Variants in DPYSL4 observed in about 807,000 individuals in gnomAD.
DPYSL4 encodes the protein dihydropyrimidinase-related protein 4.
Under a neutral mutation model 63.4 loss-of-function variants are expected in DPYSL4, and 43 were observed. The observed-to-expected ratio is 0.68, with a 90% CI of 0.53 to 0.88. The LOEUF is 0.88. Among genes scored for constraint, DPYSL4 ranks in the 40% least tolerant of loss-of-function variants. DPYSL4 has a pLI of 0.00. For synonymous variants in DPYSL4, 353 were observed against 331.7 expected (o/e 1.06, Z -0.70); for missense variants, 733 against 819.5 (o/e 0.89, Z 1.29).
chr10:132,190,999 C>T (rs796215609), intron 2 of DPYSL4, among the ~76,000 whole-genome samples, 164 bp downstream of exon 2: 21 of 83,086 alleles, frequency 2.5e-4, no homozygotes, highest in East Asian at 5.7e-4. Context: ...TACACGCTGG[C>T]CACGTGGTAT....
chr10:132,187,335 G>T (rs1161119704), intron 1 of DPYSL4, among the ~76,000 whole-genome samples: 25 of 35,326 alleles, frequency 7.1e-4, no homozygotes, highest in African/African-American at 2.0e-3. Context: ...GGCCCGGCCC[G>T]GCCCGGCCCT....
chr10:132,201,247 G>C (rs1219846134), intron 10 of DPYSL4, among the ~76,000 whole-genome samples: 1 of 152,104 alleles, frequency 6.6e-6, no homozygotes, highest in Non-Finnish European at 1.5e-5. Context: ...CACTGTGTTT[G>C]CCCAGGGGTC....
rs2061894628 is a variant in DPYSL4, at chr10:132,192,798, G to A, written c.269G>A (p.Cys90Tyr). Residue 90 changes from cysteine (C) to tyrosine (Y), a missense_variant, in exon 3 of 14, where the codon TGT (cysteine) becomes TAT (tyrosine). Transcript: ENST00000338492. The part of the protein sequence containing the change: ...VLGMTPADDF[C>Y]QGTKAALAGG... ...GGCATGACACCGGCTGACGACTTCT[G>A]TCAGGGCACCAAGGCAGCGCTAGCA... 1.2e-6 allele frequency: 2 copies of A among 1,612,954 alleles called. No individual in the cohort carries two copies. The highest frequency in any genetic ancestry group is 1.7e-6 in the Non-Finnish European group (2 of 1,179,902).
chr10:132,191,869 G>A (rs574622113), intron 2 of DPYSL4, among the ~76,000 whole-genome samples: 8 of 129,612 alleles, frequency 6.2e-5, no homozygotes, highest in Non-Finnish European at 9.6e-5. Flanking sequence ...GTGTGTACAC[G>A]CTGGTCATGT....
At chr10:132,202,941 G>A (rs1379717324) in intron 12 of DPYSL4, 116 bp downstream of exon 12, 13 of 1,290,610 alleles carry the variant, frequency 1.0e-5, no homozygotes, top group Non-Finnish European at 1.4e-5. Context: ...GGAAGACAGA[G>A]CGGGGCCGCT....
rs376738820 is a variant in DPYSL4 at position 132,194,950 on chromosome 10, A to C, written c.419A>C (p.Asp140Ala). Residue 140 changes from aspartate (D) to alanine (A), a missense_variant, in exon 4 of 14, where the codon GAC becomes GCC. Transcript: ENST00000338492. ...TGCTGCGACTACTCCCTGCACGTGG[A>C]CATCACCCGATGGCATGAGAGCATC... ...AACCDYSLHV[D>A]ITRWHESIKE... 6.2e-7 allele frequency: 1 copy of C among 1,611,438 alleles called. No individual in the cohort carries two copies. Among genetic ancestry groups the C allele is most frequent in the African/African-American group, 1.3e-5 (1 of 74,868 alleles).
At chr10:132,204,021 T>A in intron 13 of DPYSL4, 94 bp downstream of exon 13, 1 of 1,472,362 alleles carries the variant, frequency 6.8e-7, no homozygotes, top group South Asian at 1.3e-5. Flanking sequence ...CCAGAGGGGC[T>A]GCACACGGAA....
At chr10:132,191,898 C>A (rs71512286) in intron 2 of DPYSL4, among the ~76,000 whole-genome samples, 3 of 120,008 alleles carry the variant, frequency 2.5e-5, no homozygotes, top group African/African-American at 3.4e-5. Flanking sequence ...GGCAGATGAA[C>A]ATAGTTCCCA....
intron 12 of DPYSL4, chr10:132,203,523 G>A (rs1189919676): frequency 3.7e-6 from 2 of 544,634 alleles, no homozygotes; most frequent in Non-Finnish European, 6.6e-6. Context: ...ACATGCAGAT[G>A]GGACCGCAGG....
At chr10:132,198,162 C>G (rs2061968789) in intron 6 of DPYSL4, among the ~76,000 whole-genome samples, 1 of 152,186 alleles carries the variant, frequency 6.6e-6, no homozygotes, top group Non-Finnish European at 1.5e-5. Flanking sequence ...TGCCATCAGT[C>G]AGGAGCCCTG....
intron 3 of DPYSL4, among the ~76,000 whole-genome samples, chr10:132,193,195 CAT>C (rs2061899812): frequency 6.6e-6 from 1 of 152,202 alleles, no homozygotes; most frequent in Admixed American, 6.5e-5. Flanking sequence ...ATGCCAGATA[CAT>C]GTTTGACCTT....
Position 132,196,851 on chromosome 10 carries a change from T to C in DPYSL4, c.479-10T>C. ...GATGGCTGAGCCTCTGACCCCTGCC[T>C]CTTCTCCAGGTGTGAACTCCTTCCT... On this transcript the variant is annotated splice_polypyrimidine_tract_variant and intron_variant, in intron 4 of 13. Coordinates refer to ENST00000338492, the MANE Select transcript of DPYSL4 (RefSeq NM_006426.3). The C allele has an allele frequency of 6.2e-7, 1 of 1,613,640 alleles. No homozygotes were observed. Among genetic ancestry groups the C allele is most frequent in the Non-Finnish European group, 8.5e-7 (1 of 1,179,972 alleles).
chr10:132,187,095 G>C lies in DPYSL4; in HGVS notation c.32G>C (p.Arg11Pro). 6.9e-7 allele frequency: 1 copy of C among 1,442,576 alleles called. No individual in the cohort carries two copies. The highest frequency in any genetic ancestry group is 9.3e-7 in the Non-Finnish European group (1 of 1,078,916). 89.4% of individuals were successfully genotyped at this position (1,442,576 alleles called of 1,614,324 possible). A position where few individuals can be genotyped will look rare whatever the true frequency, so the allele number is the denominator to read the frequency against. Reference protein sequence around the residue: MSFQGKKSIPRITSDRLLIRG... With the variant: MSFQGKKSIPPITSDRLLIRG... Reference sequence around the variant, plus strand: ...TTCCAGGGCAAGAAAAGCATCCCCCGGATCACGGTGAGCCCGGTCCCGCTT... The same window carrying C: ...TTCCAGGGCAAGAAAAGCATCCCCCCGATCACGGTGAGCCCGGTCCCGCTT... The change falls in exon 1 of 14, where the codon CGG becomes CCG. Residue 11 changes from arginine to proline, a missense_variant. Arg to Pro is a moderately radical substitution (Grantham distance 103). Transcript: ENST00000338492.
chr10:132,202,914 G>A (rs1219190939), intron 12 of DPYSL4, 89 bp downstream of exon 12: 131 of 1,458,948 alleles, frequency 9.0e-5, no homozygotes, highest in Non-Finnish European at 1.1e-4. Flanking sequence ...AACCTGGCCC[G>A]GCCTCCCGAG....
chr10:132,200,306 A>AG (rs2061995663), intron 8 of DPYSL4, 50 bp from the exon 9 acceptor site: 1 of 1,604,620 alleles, frequency 6.2e-7, no homozygotes, highest in South Asian at 1.1e-5. Flanking sequence ...TCGGGGCCCC[A>AG]GGGGGTGCAG....
At chr10:132,188,636 A>C (rs2061835031) in intron 1 of DPYSL4, among the ~76,000 whole-genome samples, 1 of 152,186 alleles carries the variant, frequency 6.6e-6, no homozygotes, top group Non-Finnish European at 1.5e-5. Flanking sequence ...CTTCTTCCAC[A>C]ACCAGCCCGA....
rs200106021 is a variant in DPYSL4 at position 132,200,442 on chromosome 10, G to A, written c.898G>A (p.Ala300Thr). 9 of 1,613,460 alleles carry A rather than the reference G, an allele frequency of 5.6e-6. No homozygotes were observed. Among genetic ancestry groups the A allele is most frequent in the Non-Finnish European group, 6.8e-6 (8 of 1,179,944 alleles). ...YWSKNWAKAA[A>T]FVTSPPVNPD... ...GAGCAAGAACTGGGCCAAGGCCGCA[G>A]CCTTCGTCACATCACCCCCTGTCAA... Residue 300 changes from alanine (A) to threonine (T), a missense_variant, in exon 9 of 14, where the codon GCC (alanine) becomes ACC (threonine). By Grantham distance (58) the Ala-to-Thr change is moderately conservative (BLOSUM62 0). Coordinates refer to ENST00000338492, the MANE Select transcript of DPYSL4 (RefSeq NM_006426.3).
At chr10:132,196,631 C>G (rs2061948696) in intron 4 of DPYSL4, among the ~76,000 whole-genome samples, 2 of 152,240 alleles carry the variant, frequency 1.3e-5, no homozygotes. Flanking sequence ...TAACCCGGAG[C>G]ACAGGAGCAG....
At chr10:132,200,742 C>A (rs1048744392) in intron 9 of DPYSL4, 100 bp from the exon 10 acceptor site, 2 of 1,494,012 alleles carry the variant, frequency 1.3e-6, no homozygotes, top group Admixed American at 4.1e-5. Context: ...ACTCAGATGA[C>A]CTCTAGCCCC....
Sources: allele counts gnomAD v4.1 joint callset (sites outside exome capture counted in the v4.1 genomes callset), GRCh38; gene constraint gnomAD v4.1.1; transcripts MANE v1.5; gene names NCBI Gene and HGNC (gene_info 2026-07-23, HGNC 2026-07-21).